The following ZGRF1 variants were observed in gnomAD, a reference collection of about 807,000 sequenced individuals.
ZGRF1 encodes the protein 5'-3' DNA helicase ZGRF1.
ZGRF1 carries 196 observed loss-of-function variants against 203.5 expected under a neutral mutation model. The ratio of observed to expected loss-of-function variants is 0.96; its 90% CI spans 0.86 to 1.08. The LOEUF (loss-of-function observed/expected upper bound fraction) is 1.08. Among genes scored for constraint, ZGRF1 ranks in the 50% least tolerant of loss-of-function variants. ZGRF1 has a pLI of 0.00. For synonymous variants in ZGRF1, 809 were observed against 841.3 expected, an observed-to-expected ratio of 0.96 and a Z score of 0.66; for missense variants, 2,326 against 2,416.3, an observed-to-expected ratio of 0.96 and a Z score of 0.78.
intron 24 of ZGRF1, among the ~76,000 whole-genome samples, chr4:112,542,959 G>A (rs998899921): frequency 3.3e-5 from 5 of 152,080 alleles, no homozygotes; most frequent in African/African-American, 4.8e-5. Context: ...AAGCAGCTGA[G>A]ATTATAGATT....
At chr4:112,626,935 A>G (rs915444406) in intron 3 of ZGRF1, among the ~76,000 whole-genome samples, 1 of 152,102 alleles carries the variant, frequency 6.6e-6, no homozygotes, top group Non-Finnish European at 1.5e-5. Flanking sequence ...TCTCTTGAGT[A>G]GCTGGAATTA....
chr4:112,585,009 A>C (rs965232385), intron 14 of ZGRF1, among the ~76,000 whole-genome samples: 8 of 152,166 alleles, frequency 5.3e-5, no homozygotes, highest in African/African-American at 1.9e-4. Flanking sequence ...TTTCAGGCTC[A>C]TTTCTGAATT....
chr4:112,606,174 A>C, intron 8 of ZGRF1, 83 bp from the exon 9 acceptor site: 2 of 917,622 alleles, frequency 2.2e-6, no homozygotes, highest in Non-Finnish European at 3.4e-6. Context: ...AAATAATTGC[A>C]AAACTTAAGT....
chr4:112,600,689 G>A (rs1484856349), intron 10 of ZGRF1, among the ~76,000 whole-genome samples: 4 of 152,092 alleles, frequency 2.6e-5, no homozygotes, highest in Admixed American at 2.0e-4. Flanking sequence ...CTGACATAAT[G>A]TCCTCTGGAA....
At position 112,585,579 on chromosome 4, in the gene ZGRF1, C is replaced by T; in HGVS notation, c.4063G>A (p.Ala1355Thr). Reference sequence around the variant, plus strand: ...TCCTTTTTAACCATGACAAGTTTTGCAGGTTGACTATGATGGCAGGATGGT... The same window carrying T: ...TCCTTTTTAACCATGACAAGTTTTGTAGGTTGACTATGATGGCAGGATGGT... ...NVPSCHHSQP[A>T]KLVMVKKEGP... Residue 1355 changes from alanine to threonine, a missense_variant, in exon 14 of 28, where the codon GCA becomes ACA. Physicochemically the swap from Ala to Thr is moderately conservative, Grantham distance 58 (BLOSUM62 0). Coordinates refer to ENST00000505019, the MANE Select transcript of ZGRF1 (RefSeq NM_018392.5). 6.2e-7 allele frequency: 1 copy of T among 1,611,130 alleles called. No homozygotes were observed. Among genetic ancestry groups the T allele is most frequent in the Non-Finnish European group, 8.5e-7 (1 of 1,178,816 alleles).
intron 3 of ZGRF1, among the ~76,000 whole-genome samples, chr4:112,630,347 G>A (rs970523886): frequency 6.6e-6 from 1 of 151,820 alleles, no homozygotes; most frequent in Non-Finnish European, 1.5e-5. Context: ...GTGAAACTCC[G>A]TGTCTATTAA....
At chr4:112,599,250 A>G (rs1356512565) in intron 10 of ZGRF1, among the ~76,000 whole-genome samples, 1 of 152,200 alleles carries the variant, frequency 6.6e-6, no homozygotes, top group Non-Finnish European at 1.5e-5. Context: ...TTTTTATAAT[A>G]TTGAAAATTT....
At chr4:112,608,598 C>T (rs1305286190) in intron 8 of ZGRF1, among the ~76,000 whole-genome samples, 6 of 151,932 alleles carry the variant, frequency 3.9e-5, no homozygotes, top group South Asian at 2.1e-4. Flanking sequence ...CCAGCCTGGG[C>T]GACAAGAGTG....
rs2148797089 is a variant in ZGRF1 at position 112,539,895 on chromosome 4, T to C, written c.6140A>G (p.Gln2047Arg). The change falls in exon 27 of 28, where the codon CAA becomes CGA. Residue 2047 changes from glutamine to arginine, a missense_variant. Gln to Arg is a conservative substitution (Grantham distance 43). Coordinates refer to ENST00000505019, the MANE Select transcript of ZGRF1 (RefSeq NM_018392.5). ...GTGTTGGATCACTCGTCCCCAAAGT[T>C]GATTTTTCCTCAAACAGGCTAAATT... is the stretch of plus-strand genomic sequence containing the variant. ...VGNLACLRKN[Q>R]LWGRVIQHCE... 1.2e-6 allele frequency: 2 copies of C among 1,613,898 alleles called. No individual in the cohort carries two copies. Among genetic ancestry groups the C allele is most frequent in the Non-Finnish European group, 1.7e-6 (2 of 1,179,818 alleles).
intron 10 of ZGRF1, among the ~76,000 whole-genome samples, chr4:112,600,433 C>A (rs892092503): frequency 1.3e-5 from 2 of 152,134 alleles, no homozygotes; most frequent in Non-Finnish European, 2.9e-5. Flanking sequence ...GTGGATCACT[C>A]CTGTAATCCC....
intron 7 of ZGRF1, among the ~76,000 whole-genome samples, chr4:112,609,898 T>C (rs1038599219): frequency 2.6e-5 from 4 of 152,100 alleles, no homozygotes; most frequent in African/African-American, 9.7e-5. Context: ...TCCAACACTT[T>C]AGAGGCTGGG....
intron 1 of ZGRF1, among the ~76,000 whole-genome samples, chr4:112,634,208 T>C (rs1403553613): frequency 2.0e-5 from 3 of 152,188 alleles, no homozygotes; most frequent in Non-Finnish European, 4.4e-5. Flanking sequence ...AATTTCAGTA[T>C]GGCGGGGTGA....
At position 112,560,944 on chromosome 4, in the gene ZGRF1, G is replaced by C. The variant is rs544215452; in HGVS notation, c.4749C>G (p.Ile1583Met). 1 of 1,611,600 alleles carries C rather than the reference G, an allele frequency of 6.2e-7. No individual in the cohort carries two copies. Among genetic ancestry groups the C allele is most frequent in the Admixed American group, 1.7e-5 (1 of 59,738 alleles). ...SNKRVSKRKFIPPAFTNVSTK... is the reference protein window; with the variant it reads ...SNKRVSKRKFMPPAFTNVSTK... ...TACTGACATTTGTGAAGGCTGGTGGGATAAATTTTCTCTTACTGACTCTTT... is the reference window on the plus strand; with the variant it reads ...TACTGACATTTGTGAAGGCTGGTGGCATAAATTTTCTCTTACTGACTCTTT... Residue 1583 changes from isoleucine (I) to methionine (M), a missense_variant, in exon 19 of 28, where the codon ATC (isoleucine) becomes ATG (methionine). Ile to Met is a conservative substitution (Grantham distance 10, BLOSUM62 1). Coordinates refer to ENST00000505019, the MANE Select transcript of ZGRF1 (RefSeq NM_018392.5).
chr4:112,632,015 T>C lies in ZGRF1; in HGVS notation c.22-5A>G, dbSNP rs768006931. 19 of 1,441,522 alleles carry C rather than the reference T, an allele frequency of 1.3e-5. No homozygotes were observed. Among genetic ancestry groups the C allele is most frequent in the Middle Eastern group, 1.8e-4 (1 of 5,442 alleles). The allele number at this position is 1,441,522 out of a possible 1,614,324, so 89.3% of individuals were successfully genotyped here. A position where few individuals can be genotyped will look rare whatever the true frequency, so the allele number is the denominator to read the frequency against. On this transcript the variant is annotated splice_region_variant and splice_polypyrimidine_tract_variant and intron_variant, in intron 2 of 27. Coordinates refer to ENST00000505019, the MANE Select transcript of ZGRF1 (RefSeq NM_018392.5). ...CTTTTGATGAGTATATAGAACCTTATTTCCAAAAATACAAAAGAAATGGTT... is the reference window on the plus strand; with the variant it reads ...CTTTTGATGAGTATATAGAACCTTACTTCCAAAAATACAAAAGAAATGGTT...
rs529512131 is a variant in ZGRF1, at chr4:112,579,854, A to G, written c.4438+1809T>C. 2.5e-5 allele frequency among the ~76,000 whole-genome samples: 3 copies of G among 122,240 alleles called. 1 individual carries two copies. Among genetic ancestry groups the G allele is most frequent in the South Asian group, 6.4e-4 (2 of 3,148 alleles). 80.2% of individuals were successfully genotyped at this position (122,240 alleles called of 152,430 possible). ...TGAAAACGGCCATACTGCCCAAGGT[A>G]ATTTACAGATTCAATGCCATCCCCA... is the stretch of plus-strand genomic sequence containing the variant. On this transcript the variant is annotated intron_variant, in intron 16 of 27. Coordinates refer to ENST00000505019, the MANE Select transcript of ZGRF1 (RefSeq NM_018392.5).
chr4:112,633,093 C>T, intron 2 of ZGRF1, 63 bp downstream of exon 2: 1 of 1,419,664 alleles, frequency 7.0e-7, no homozygotes, highest in Non-Finnish European at 9.9e-7. Context: ...TTGTGAAACG[C>T]CTTTAAAAGA....
At chr4:112,586,393 A>G in intron 13 of ZGRF1, 52 bp downstream of exon 13, 4 of 1,382,626 alleles carry the variant, frequency 2.9e-6, no homozygotes, top group Non-Finnish European at 3.9e-6. Context: ...TCACAATTTT[A>G]CTACTTACAT....
rs1742300141 is a variant in ZGRF1 at position 112,563,034 on chromosome 4, T to C, written c.4582+97A>G. The C allele has an allele frequency of 2.6e-5, 25 of 968,318 alleles. 1 individual carries two copies. The South Asian group carries it at 4.8e-4, about 19-fold the overall frequency. 60.0% of individuals were successfully genotyped at this position (968,318 alleles called of 1,614,324 possible). ...ACTCACTGTACACAACAGTCGAAAC[T>C]AGAGTTGGGTCCTTTTTGTTGGCTT... On this transcript the variant is annotated intron_variant, in intron 17 of 27. Transcript: ENST00000505019.
In ZGRF1 at chr4:112,581,701, TTAAGA is replaced by T; in HGVS notation, c.4395_4399del (p.Tyr1465Ter). 2 of 1,582,986 alleles carry T rather than the reference TTAAGA, an allele frequency of 1.3e-6. No homozygotes were observed. Among genetic ancestry groups the T allele is most frequent in the Non-Finnish European group, 1.7e-6 (2 of 1,169,112 alleles). On this transcript the variant is annotated stop_gained and frameshift_variant, in exon 16 of 28. Transcript: ENST00000505019. LOFTEE classifies it high-confidence loss of function. ...TGAAGATCTTTCCTTCCGACTTAGC[TTAAGA>T]TAAAGTTTGGTTTTTGGTTCATTAT... is the stretch of plus-strand genomic sequence containing the variant.
Sources: gnomAD v4.1 joint callset for allele counts (sites outside exome capture counted in the v4.1 genomes callset) on GRCh38, gnomAD v4.1.1 for gene constraint, MANE v1.5 for transcripts, NCBI Gene and HGNC (gene_info 2026-07-23, HGNC 2026-07-21) for gene names.